The following NUP153 variants were observed in gnomAD, a reference collection of about 807,000 sequenced individuals.
The protein encoded by NUP153 is nuclear pore complex protein Nup153.
In NUP153, 27 loss-of-function variants were observed where a neutral mutation model predicts 134.6. The ratio of observed to expected loss-of-function variants is 0.20; its 90% CI spans 0.15 to 0.28. NUP153 has a LOEUF of 0.28. Among genes scored for constraint, NUP153 ranks in the 10% least tolerant of loss-of-function variants. NUP153 has a pLI of 1.00. For synonymous variants in NUP153, 640 were observed against 623.5 expected, an observed-to-expected ratio of 1.03 and a Z score of -0.40; for missense variants, 1,821 against 1,731.3, an observed-to-expected ratio of 1.05 and a Z score of -0.92.
Position 17,615,883 on chromosome 6 carries a change from G to A in NUP153, c.*214C>T, listed in dbSNP as rs915658169. On this transcript the variant is annotated 3_prime_UTR_variant, in exon 22 of 22. Coordinates refer to ENST00000262077, the MANE Select transcript of NUP153 (RefSeq NM_005124.4). The surrounding 1 kb of genome is among the most constrained non-coding windows in gnomAD (Gnocchi z 5.7). The stretch of plus-strand genomic sequence containing the variant: ...TGGATCATAAAATATTTTTGCTGAA[G>A]AATCAGTCACCAGTCTAGCTATTTA... The A allele has an allele frequency of 4.1e-6, 2 of 485,578 alleles. No homozygotes were observed. The highest frequency in any genetic ancestry group is 3.3e-5 in the East Asian group (1 of 30,096). The allele number at this position is 485,578 out of a possible 1,614,324, so 30.1% of individuals were successfully genotyped here. A position where few individuals can be genotyped will look rare whatever the true frequency, so the allele number is the denominator to read the frequency against.
intron 8 of NUP153, among the ~76,000 whole-genome samples, chr6:17,665,823 C>A (rs1044037465): frequency 6.6e-6 from 1 of 151,542 alleles, no homozygotes; most frequent in African/African-American, 2.4e-5. Context: ...CTCCTGTGTA[C>A]ACAGGCGTGC....
intron 2 of NUP153, among the ~76,000 whole-genome samples, chr6:17,687,560 A>C (rs1769008581): frequency 6.6e-6 from 1 of 152,238 alleles, no homozygotes; most frequent in African/African-American, 2.4e-5. Context: ...TCTCTAAAAT[A>C]AAAACCATTC....
At chr6:17,645,008 C>G (rs1766071324) in intron 14 of NUP153, among the ~76,000 whole-genome samples, 1 of 151,976 alleles carries the variant, frequency 6.6e-6, no homozygotes, top group Admixed American at 6.6e-5. Context: ...TGGCATGAAC[C>G]TGGGAGGCGG....
rs77678701 is a variant in NUP153 at position 17,645,658 on chromosome 6, C to A, written c.1720+409G>T. Among the ~76,000 whole-genome samples, 1,250 of 152,144 alleles carry A rather than the reference C, an allele frequency of 8.2e-3. 10 individuals carry two copies. The highest frequency in any genetic ancestry group is 0.013 in the South Asian group (63 of 4,820). ...ATTATGTATCACAATCTACATGGGC[C>A]TGCATAACCTTTATACATAAAAATG... On this transcript the variant is annotated intron_variant, in intron 14 of 21. Coordinates refer to ENST00000262077, the MANE Select transcript of NUP153 (RefSeq NM_005124.4).
chr6:17,681,401 A>AC (rs35211137), intron 2 of NUP153, among the ~76,000 whole-genome samples: 21 of 151,916 alleles, frequency 1.4e-4, no homozygotes, highest in African/African-American at 4.4e-4. Flanking sequence ...CCTGGCTAAC[A>AC]GGTGAAACCC....
At chr6:17,688,011 TG>T (rs1389473022) in intron 2 of NUP153, among the ~76,000 whole-genome samples, 1 of 151,666 alleles carries the variant, frequency 6.6e-6, no homozygotes, top group Non-Finnish European at 1.5e-5. Flanking sequence ...CCCAGCTACT[TG>T]GGAGGCTGAG....
At chr6:17,693,376 G>A (rs531951194) in intron 1 of NUP153, among the ~76,000 whole-genome samples, 2 of 152,136 alleles carry the variant, frequency 1.3e-5, no homozygotes, top group Non-Finnish European at 2.9e-5. Flanking sequence ...TGGGAGTAAA[G>A]AGAGGTCTTT....
chr6:17,636,885 TTA>T (rs1172529093), intron 16 of NUP153, among the ~76,000 whole-genome samples: 2 of 152,224 alleles, frequency 1.3e-5, no homozygotes, highest in Non-Finnish European at 2.9e-5. Flanking sequence ...AGAATCTGTA[TTA>T]GTCAACTTTG....
chr6:17,689,293 A>C (rs958838378), intron 1 of NUP153, among the ~76,000 whole-genome samples: 1 of 151,998 alleles, frequency 6.6e-6, no homozygotes, highest in Admixed American at 6.6e-5. Flanking sequence ...AGGCTGAGGC[A>C]GGAGAATCAC....
chr6:17,652,914 AGCT>A (rs1224062189), intron 11 of NUP153, among the ~76,000 whole-genome samples: 2 of 152,128 alleles, frequency 1.3e-5, no homozygotes, highest in African/African-American at 4.8e-5. Context: ...CTGTAATCCC[AGCT>A]ACTAGGGAGA....
chr6:17,629,633 T>G, intron 17 of NUP153, 94 bp from the exon 18 acceptor site: 5 of 1,191,816 alleles, frequency 4.2e-6, no homozygotes, highest in Admixed American at 6.1e-5. Context: ...AACATAGGAG[T>G]AACTTTGAAA....
chr6:17,686,822 T>G (rs947715155), intron 2 of NUP153, among the ~76,000 whole-genome samples: 32 of 140,684 alleles, frequency 2.3e-4, no homozygotes, highest in Admixed American at 1.1e-3. Context: ...GGCGTGCGAA[T>G]AGAGTATAAA....
chr6:17,629,053 T>G lies in NUP153; in HGVS notation c.3146A>C (p.Asn1049Thr). The change falls in exon 18 of 22, where the codon AAC becomes ACC. Residue 1049 changes from asparagine to threonine, a missense_variant. Coordinates refer to ENST00000262077, the MANE Select transcript of NUP153 (RefSeq NM_005124.4). ...ACTCTTGGTTTCTATGGTTCCAAGG[T>G]TGAAGCTGCTCTTGTTCTCAGAGGT... is the stretch of plus-strand genomic sequence containing the variant. ...IVTSENKSSFNLGTIETKSAS... is the reference protein window; with the variant it reads ...IVTSENKSSFTLGTIETKSAS... The G allele has an allele frequency of 6.2e-7, 1 of 1,614,232 alleles. No homozygotes were observed.
chr6:17,669,446 ATCT>A lies in NUP153; in HGVS notation c.950_952del (p.Lys317del). 6.2e-7 allele frequency: 1 copy of A among 1,613,578 alleles called. No individual in the cohort carries two copies. Among genetic ancestry groups the A allele is most frequent in the Non-Finnish European group, 8.5e-7 (1 of 1,179,468 alleles). On this transcript the variant is annotated inframe_deletion, in exon 6 of 22. Transcript: ENST00000262077. Reference sequence around the variant, plus strand: ...AAAATTTACCGCTAAAGGGCTTGACATCTTCTCTAAAGACTGCAATATTCGCCG... The same window carrying A: ...AAAATTTACCGCTAAAGGGCTTGACATCTCTAAAGACTGCAATATTCGCCG...
chr6:17,655,472 A>C (rs1208774212), intron 11 of NUP153, among the ~76,000 whole-genome samples: 4 of 126,570 alleles, frequency 3.2e-5, no homozygotes, highest in African/African-American at 1.2e-4. Flanking sequence ...TTTTTTTTTT[A>C]AGACAAAGTC....
At position 17,662,076 on chromosome 6, in the gene NUP153, G is replaced by A; in HGVS notation, c.1216-6C>T. On this transcript the variant is annotated splice_polypyrimidine_tract_variant and splice_region_variant and intron_variant, in intron 9 of 21. Coordinates refer to ENST00000262077, the MANE Select transcript of NUP153 (RefSeq NM_005124.4). ...ATATTTTTTTCATATCCAGTCTGCA[G>A]GGGAAATACACACATATTTACGTTT... The A allele has an allele frequency of 6.2e-7, 1 of 1,611,350 alleles. No individual in the cohort carries two copies. The highest frequency in any genetic ancestry group is 8.5e-7 in the Non-Finnish European group (1 of 1,178,678).
intron 5 of NUP153, among the ~76,000 whole-genome samples, chr6:17,670,205 T>C (rs543406654): frequency 1.9e-4 from 29 of 151,786 alleles, no homozygotes; most frequent in African/African-American, 6.8e-4. Context: ...AACAGAATAC[T>C]GTCCTCCACC....
intron 5 of NUP153, 25 bp downstream of exon 5, chr6:17,674,877 GATC>G (rs753469121): frequency 7.5e-6 from 11 of 1,476,276 alleles, no homozygotes; most frequent in East Asian, 4.9e-5. Flanking sequence ...GAAAAAAAAA[GATC>G]ATCAACCCTT....
At position 17,706,290 on chromosome 6, in the gene NUP153, C is replaced by T. The variant is rs1022680902; in HGVS notation, c.98G>A (p.Arg33Gln). Reference protein sequence around the residue: ...QGPIKPYQQGRQQHQGILSRV... With the variant: ...QGPIKPYQQGQQQHQGILSRV... The stretch of plus-strand genomic sequence containing the variant: ...GGGGTCCCATACCTGATGCTGTTGT[C>T]GCCCCTGCTGGTAAGGCTTAATTGG... Residue 33 changes from arginine to glutamine, a missense_variant, in exon 1 of 22, where the codon CGA (arginine) becomes CAA (glutamine). Transcript: ENST00000262077. This position sits in a 1 kb window ranked among gnomAD's most constrained non-coding sequence, Gnocchi z 5.9. 6 of 1,613,076 alleles carry T rather than the reference C, an allele frequency of 3.7e-6. No homozygotes were observed. The highest frequency in any genetic ancestry group is 5.1e-6 in the Non-Finnish European group (6 of 1,179,242).
Sources: allele counts gnomAD v4.1 joint callset (sites outside exome capture counted in the v4.1 genomes callset), GRCh38; gene constraint gnomAD v4.1.1; non-coding constraint Gnocchi (gnomAD v3.1); transcripts MANE v1.5; gene names NCBI Gene and HGNC (gene_info 2026-07-23, HGNC 2026-07-21).